Variants in LRRC4C observed in about 807,000 individuals in gnomAD.
LRRC4C encodes the protein leucine rich repeat containing 4C.
A neutral mutation model predicts 33.6 loss-of-function variants in LRRC4C; 5 were observed. The observed-to-expected ratio is 0.15, with a 90% CI of 0.08 to 0.31. The LOEUF is 0.31. LRRC4C is among the 10% of genes least tolerant of loss of function. The pLI is 1.00. For missense variants in LRRC4C, 560 were observed against 796.7 expected, an observed-to-expected ratio of 0.70 and a Z score of 3.58; for synonymous variants, 329 against 302.0, an observed-to-expected ratio of 1.09 and a Z score of -0.93.
rs199517275 is a variant in LRRC4C at position 40,548,137 on chromosome 11, G to GA, written c.-270+100004dup. Among the ~76,000 whole-genome samples, 1,011 of 151,904 alleles carry GA rather than the reference G, an allele frequency of 6.7e-3. 16 individuals carry two copies. The highest frequency in any genetic ancestry group is 0.023 in the African/African-American group (969 of 41,452). On this transcript the variant is annotated intron_variant, in intron 3 of 6. Coordinates refer to ENST00000528697, the MANE Select transcript of LRRC4C (RefSeq NM_001258419.2). ...GGTGTGTTTTTAAATGGAGTGGCCA[G>GA]AAAAAAAATCACTGAAGAAAATAAA...
chr11:41,146,124 T>G (rs944628086), intron 1 of LRRC4C, among the ~76,000 whole-genome samples: 4 of 152,178 alleles, frequency 2.6e-5, no homozygotes, highest in African/African-American at 9.7e-5. Flanking sequence ...CAAATTCTAT[T>G]TTGCATTTCT....
intron 1 of LRRC4C, among the ~76,000 whole-genome samples, chr11:41,402,658 C>T (rs1954069147): frequency 6.6e-6 from 1 of 151,708 alleles, no homozygotes; most frequent in Admixed American, 6.6e-5. Flanking sequence ...AGTATGCTTC[C>T]TATAGCAGAA....
At chr11:40,765,297 C>A (rs1949397732) in intron 2 of LRRC4C, among the ~76,000 whole-genome samples, 3 of 152,114 alleles carry the variant, frequency 2.0e-5, no homozygotes, top group Admixed American at 2.0e-4. Context: ...TAATACCTCT[C>A]CCCTCTCTCT....
intron 2 of LRRC4C, among the ~76,000 whole-genome samples, chr11:40,836,956 A>G (rs1240026474): frequency 1.3e-5 from 2 of 152,292 alleles, no homozygotes; most frequent in Middle Eastern, 3.4e-3. Context: ...GCTTTATGTT[A>G]TGGCATCTCA....
At position 40,315,028 on chromosome 11, in the gene LRRC4C, T is replaced by G. The variant is rs78711579; in HGVS notation, c.-176+4600A>C. 2.1e-3 allele frequency among the ~76,000 whole-genome samples: 316 copies of G among 152,104 alleles called. 9 individuals carry two copies. In the East Asian group the frequency reaches 0.029, roughly 14 times the overall value. ...TAGTTAACAAAAATATACTATACAG[T>G]TTCATAGAGCTAAAAAGAGGATATT... On this transcript the variant is annotated intron_variant, in intron 4 of 6. Transcript: ENST00000528697.
At chr11:40,473,550 G>A (rs1953051538) in intron 3 of LRRC4C, among the ~76,000 whole-genome samples, 1 of 152,110 alleles carries the variant, frequency 6.6e-6, no homozygotes, top group South Asian at 2.1e-4. Flanking sequence ...CACAAGACAA[G>A]GAAGCCCTCT....
intron 1 of LRRC4C, among the ~76,000 whole-genome samples, chr11:41,448,888 A>G (rs1043028462): frequency 6.6e-6 from 1 of 152,242 alleles, no homozygotes; most frequent in African/African-American, 2.4e-5. Flanking sequence ...ACACATAGTA[A>G]GTGCTGAATA....
intron 1 of LRRC4C, among the ~76,000 whole-genome samples, chr11:41,259,900 T>C (rs904681412): frequency 3.3e-5 from 5 of 151,974 alleles, no homozygotes; most frequent in African/African-American, 1.2e-4. Context: ...CAATAGACCT[T>C]TATGAGTCCA....
chr11:41,215,535 C>T (rs1246788715), intron 1 of LRRC4C, among the ~76,000 whole-genome samples: 1 of 151,142 alleles, frequency 6.6e-6, no homozygotes. Flanking sequence ...ACGATGTTTC[C>T]ACAATCTCCT....
intron 1 of LRRC4C, among the ~76,000 whole-genome samples, chr11:41,181,900 GA>G (rs1006497664): frequency 6.6e-6 from 1 of 151,722 alleles, no homozygotes; most frequent in African/African-American, 2.4e-5. Flanking sequence ...TTTTAAAGAG[GA>G]AAAAAAGACT....
At chr11:40,183,133 T>C (rs1182120633) in intron 5 of LRRC4C, among the ~76,000 whole-genome samples, 2 of 152,154 alleles carry the variant, frequency 1.3e-5, no homozygotes, top group African/African-American at 2.4e-5. Flanking sequence ...CTTGCAAATT[T>C]GGTAACATCC....
intron 2 of LRRC4C, among the ~76,000 whole-genome samples, chr11:40,843,374 T>A (rs1488609465): frequency 6.6e-6 from 1 of 152,158 alleles, no homozygotes; most frequent in Non-Finnish European, 1.5e-5. Context: ...ATTCTTTCAT[T>A]TCCTATAGTT....
At chr11:41,273,251 G>A (rs1249571322) in intron 1 of LRRC4C, among the ~76,000 whole-genome samples, 9 of 152,034 alleles carry the variant, frequency 5.9e-5, no homozygotes, top group South Asian at 2.1e-4. Context: ...TAGAACTACC[G>A]CATGATCCAG....
chr11:40,582,906 A>T (rs777258548), intron 3 of LRRC4C, among the ~76,000 whole-genome samples: 6 of 152,130 alleles, frequency 3.9e-5, no homozygotes, highest in Admixed American at 1.3e-4. Context: ...AATGGCAATG[A>T]TTCAATCAGG....
intron 3 of LRRC4C, among the ~76,000 whole-genome samples, chr11:40,588,925 G>C (rs1958897681): frequency 6.6e-6 from 1 of 152,080 alleles, no homozygotes; most frequent in Non-Finnish European, 1.5e-5. Flanking sequence ...AATAGGTGTG[G>C]TGTGGTGCTG....
At chr11:41,009,596 T>C (rs1269580142) in intron 1 of LRRC4C, among the ~76,000 whole-genome samples, 1 of 152,140 alleles carries the variant, frequency 6.6e-6, no homozygotes, top group Non-Finnish European at 1.5e-5. Flanking sequence ...TCTGGGTGCC[T>C]GCAGAAGCCT....
Position 41,162,213 on chromosome 11 carries a change from C to T in LRRC4C, c.-495-228490G>A, listed in dbSNP as rs952788951. ...TTGATTGGACAATAAGTCTATCAAA[C>T]GCAGGGTCCACAGCATGACTATCTG... On this transcript the variant is annotated intron_variant, in intron 1 of 6. Coordinates refer to ENST00000528697, the MANE Select transcript of LRRC4C (RefSeq NM_001258419.2). 6.6e-5 allele frequency among the ~76,000 whole-genome samples: 10 copies of T among 152,198 alleles called. 1 individual carries two copies. Among genetic ancestry groups the T allele is most frequent in the South Asian group, 4.1e-4 (2 of 4,820 alleles).
chr11:40,413,445 AATCTTTTAC>A (rs1163727197), intron 3 of LRRC4C, among the ~76,000 whole-genome samples: 1 of 152,056 alleles, frequency 6.6e-6, no homozygotes, highest in African/African-American at 2.4e-5. Context: ...AACATTTGTA[AATCTTTTAC>A]ATCTCTCACG....
At chr11:40,171,958 C>T (rs1422199725) in intron 5 of LRRC4C, among the ~76,000 whole-genome samples, 2 of 151,964 alleles carry the variant, frequency 1.3e-5, no homozygotes, top group South Asian at 2.1e-4. Context: ...TGGAGGTTGC[C>T]GTAAGCTGAG....
Sources: gnomAD v4.1 joint callset for allele counts (sites outside exome capture counted in the v4.1 genomes callset) on GRCh38, gnomAD v4.1.1 for gene constraint, MANE v1.5 for transcripts, NCBI Gene and HGNC (gene_info 2026-07-23, HGNC 2026-07-21) for gene names.